The following GPBP1L1 variants were observed in gnomAD, a reference collection of about 807,000 sequenced individuals.
GPBP1L1 encodes vasculin-like protein 1.
Under a neutral mutation model 52.5 loss-of-function variants are expected in GPBP1L1, and 23 were observed. The observed-to-expected ratio is 0.44, with a 90% CI of 0.32 to 0.62. The LOEUF (loss-of-function observed/expected upper bound fraction) is 0.62. Ranked by LOEUF, GPBP1L1 falls within the 20% of genes least tolerant of loss-of-function variation. The pLI is 0.06. For missense variants in GPBP1L1, 596 were observed against 579.3 expected, an observed-to-expected ratio of 1.03 and a Z score of -0.30; for synonymous variants, 243 against 203.1, an observed-to-expected ratio of 1.20 and a Z score of -1.67.
At chr1:45,633,444 A>G (rs1481512072) in intron 10 of GPBP1L1, 45 bp downstream of exon 10, 3 of 1,599,254 alleles carry the variant, frequency 1.9e-6, no homozygotes, top group Non-Finnish European at 2.6e-6. Context: ...GTATGTATCA[A>G]AGGAAAATTC....
Position 45,650,942 on chromosome 1 carries a change from A to C in GPBP1L1, c.477+3601T>G. 6.5e-6 allele frequency: 2 copies of C among 309,286 alleles called. 1 individual carries two copies. Among genetic ancestry groups the C allele is most frequent in the South Asian group, 5.6e-5 (2 of 35,584 alleles). 19.2% of individuals were successfully genotyped at this position (309,286 alleles called of 1,614,324 possible). A position where few individuals can be genotyped will look rare whatever the true frequency, so the allele number is the denominator to read the frequency against. ...TGCTTTCTCTCTTCAAGTTAATTAC[A>C]TATTATTCATCAAGTCACTTTGGAT... On this transcript the variant is annotated intron_variant, in intron 6 of 12. Coordinates refer to ENST00000355105, the MANE Select transcript of GPBP1L1 (RefSeq NM_021639.5).
At chr1:45,676,567 G>A (rs781148718) in intron 2 of GPBP1L1, among the ~76,000 whole-genome samples, 18 of 151,788 alleles carry the variant, frequency 1.2e-4, no homozygotes, top group Non-Finnish European at 2.2e-4. Context: ...AAAATTAGCC[G>A]GGCTTGGTGG....
chr1:45,630,867 C>G, intron 10 of GPBP1L1: 1 of 413,196 alleles, frequency 2.4e-6, no homozygotes, highest in South Asian at 2.5e-5. Flanking sequence ...TACCTGACAT[C>G]AAGACTTACC....
At chr1:45,665,017 G>A (rs1231284659) in intron 2 of GPBP1L1, among the ~76,000 whole-genome samples, 2 of 152,064 alleles carry the variant, frequency 1.3e-5, no homozygotes, top group Non-Finnish European at 2.9e-5. Flanking sequence ...GGCCGGGCGT[G>A]GTGGCTCACA....
At chr1:45,630,422 G>T in intron 11 of GPBP1L1, 60 bp downstream of exon 11, 1 of 1,573,944 alleles carries the variant, frequency 6.4e-7, no homozygotes, top group Non-Finnish European at 8.7e-7. Flanking sequence ...ATCTTCTCCA[G>T]TATGTTCAAG....
At chr1:45,687,992 G>C (rs1645311072), upstream of GPBP1L1, 1 of 152,152 alleles carries the variant, frequency 6.6e-6, no homozygotes, top group Admixed American at 6.5e-5. Flanking sequence ...CCCGAACTCT[G>C]TGGGCAGATT....
At chr1:45,656,953 T>A (rs542388979) in intron 4 of GPBP1L1, among the ~76,000 whole-genome samples, 1 of 152,174 alleles carries the variant, frequency 6.6e-6, no homozygotes, top group African/African-American at 2.4e-5. Flanking sequence ...CTCAAAGTGC[T>A]GGGATTACAG....
At chr1:45,675,908 A>G (rs1303899908) in intron 2 of GPBP1L1, among the ~76,000 whole-genome samples, 3 of 152,212 alleles carry the variant, frequency 2.0e-5, no homozygotes, top group Non-Finnish European at 4.4e-5. Context: ...CTAAGACTAT[A>G]GTATGTTTAT....
At chr1:45,629,838 C>T in intron 11 of GPBP1L1, 160 bp from the exon 12 acceptor site, 1 of 596,710 alleles carries the variant, frequency 1.7e-6, no homozygotes, top group Non-Finnish European at 3.0e-6. Flanking sequence ...TTGTGGCTAC[C>T]TGGGTGCTGT....
intron 6 of GPBP1L1, among the ~76,000 whole-genome samples, chr1:45,647,337 T>C (rs575108622): frequency 2.6e-5 from 4 of 152,290 alleles, no homozygotes; most frequent in African/African-American, 9.6e-5. Context: ...TCGTCTCTAC[T>C]AACTTGTCTC....
chr1:45,646,849 AC>A, intron 6 of GPBP1L1, among the ~76,000 whole-genome samples: 1 of 151,874 alleles, frequency 6.6e-6, no homozygotes, highest in Admixed American at 6.6e-5. Context: ...GAGCCACCGT[AC>A]CCGGCCACTT....
At chr1:45,668,594 T>C (rs765294507) in intron 2 of GPBP1L1, among the ~76,000 whole-genome samples, 2 of 151,292 alleles carry the variant, frequency 1.3e-5, no homozygotes, top group Non-Finnish European at 3.0e-5. Context: ...GTGGCAGAGG[T>C]TGCAGTGAGC....
At position 45,654,638 on chromosome 1, in the gene GPBP1L1, T is replaced by C. The variant is rs1221143797; in HGVS notation, c.382A>G (p.Lys128Glu). The C allele has an allele frequency of 6.2e-7, 1 of 1,614,206 alleles. No homozygotes were observed. Among genetic ancestry groups the C allele is most frequent in the Non-Finnish European group, 8.5e-7 (1 of 1,180,026 alleles). Reference sequence around the variant, plus strand: ...GGCTTTTCCTGAAAAGCACACCCTTTCCGGGAGTGGAAGCTGCCATTCCAA... The same window carrying C: ...GGCTTTTCCTGAAAAGCACACCCTTCCCGGGAGTGGAAGCTGCCATTCCAA... Reference protein sequence around the residue: ...RHWNGSFHSRKGCAFQEKPPM... With the variant: ...RHWNGSFHSREGCAFQEKPPM... The change falls in exon 6 of 13, where the codon AAA (lysine) becomes GAA (glutamate). Residue 128 changes from lysine (K) to glutamate (E), a missense_variant. Coordinates refer to ENST00000355105, the MANE Select transcript of GPBP1L1 (RefSeq NM_021639.5).
At chr1:45,663,197 ACTGT>A (rs1237953442) in intron 2 of GPBP1L1, among the ~76,000 whole-genome samples, 2 of 152,176 alleles carry the variant, frequency 1.3e-5, no homozygotes, top group Non-Finnish European at 2.9e-5. Flanking sequence ...GATATAAATA[ACTGT>A]CTGGTGCGTA....
intron 4 of GPBP1L1, among the ~76,000 whole-genome samples, chr1:45,656,398 T>G (rs544607308): frequency 2.0e-5 from 3 of 152,350 alleles, no homozygotes; most frequent in African/African-American, 7.2e-5. Context: ...TTTATTTTTC[T>G]TACTATCAAC....
intron 2 of GPBP1L1, among the ~76,000 whole-genome samples, chr1:45,675,654 C>A (rs942385982): frequency 5.9e-5 from 9 of 152,210 alleles, no homozygotes; most frequent in Non-Finnish European, 8.8e-5. Context: ...ATCCTCCCAG[C>A]TCAGCTTCCC....
intron 10 of GPBP1L1, among the ~76,000 whole-genome samples, chr1:45,633,193 C>T (rs1404469033): frequency 6.6e-6 from 1 of 152,190 alleles, no homozygotes; most frequent in African/African-American, 2.4e-5. Flanking sequence ...TATGCCAGCA[C>T]AAAAACCTGC....
rs977861165 is a variant in GPBP1L1, at chr1:45,665,610, G to A, written c.-1097-4385C>T. ...ACAAAAACTAGCCGGGTGTGGTGGT[G>A]CATGCCTGTAATCCCAGCTACTCAG... On this transcript the variant is annotated intron_variant, in intron 2 of 12. Coordinates refer to ENST00000355105, the MANE Select transcript of GPBP1L1 (RefSeq NM_021639.5). 2.6e-5 allele frequency among the ~76,000 whole-genome samples: 4 copies of A among 151,516 alleles called. No individual in the cohort carries two copies. In the South Asian group the frequency reaches 6.3e-4, roughly 24 times the overall value.
chr1:45,638,486 T>C (rs1194766422), intron 8 of GPBP1L1, among the ~76,000 whole-genome samples: 5 of 152,360 alleles, frequency 3.3e-5, no homozygotes, highest in Admixed American at 6.5e-5. Flanking sequence ...CCCACTTGTA[T>C]TTCTGTGAGA....
Sources: gnomAD v4.1 joint callset for allele counts (sites outside exome capture counted in the v4.1 genomes callset) on GRCh38, gnomAD v4.1.1 for gene constraint, MANE v1.5 for transcripts, NCBI Gene and HGNC (gene_info 2026-07-23, HGNC 2026-07-21) for gene names.